Variants in RXRG observed in about 807,000 individuals in gnomAD.
RXRG encodes retinoic acid receptor RXR-gamma.
In RXRG, 19 loss-of-function variants were observed where a neutral mutation model predicts 49.2. The ratio of observed to expected loss-of-function variants is 0.39; its 90% CI spans 0.27 to 0.57. RXRG has a LOEUF of 0.57. Ranked by LOEUF, RXRG falls within the 20% of genes least tolerant of loss-of-function variation. The pLI is 0.64. For synonymous variants in RXRG, 224 were observed against 216.6 expected, an observed-to-expected ratio of 1.03 and a Z score of -0.30; for missense variants, 452 against 592.5, an observed-to-expected ratio of 0.76 and a Z score of 2.46.
intron 4 of RXRG, among the ~76,000 whole-genome samples, chr1:165,411,837 G>C (rs1657961543): frequency 6.6e-6 from 1 of 152,174 alleles, no homozygotes; most frequent in Non-Finnish European, 1.5e-5. Flanking sequence ...CATTAGGATT[G>C]AAAGCAGACT....
intron 1 of RXRG, among the ~76,000 whole-genome samples, chr1:165,442,203 T>G (rs1194975313): frequency 3.3e-5 from 5 of 152,240 alleles, no homozygotes; most frequent in Non-Finnish European, 4.4e-5. Context: ...ACTCTAATCC[T>G]GCTTTCCCCT....
rs2134095 is a variant in RXRG, at chr1:165,408,315, G to C, written c.1050C>G (p.Val350=). 1 of 1,603,500 alleles carries C rather than the reference G, an allele frequency of 6.2e-7. No homozygotes were observed. The highest frequency in any genetic ancestry group is 1.3e-5 in the African/African-American group (1 of 74,786). The change falls in exon 8 of 10, where the codon GTC becomes GTG. Residue 350 remains valine (V), a synonymous_variant. Transcript: ENST00000359842. Reference sequence around the variant, plus strand: ...TCATTTTGGAAACCAGCTCAGTTAGGACTCTGTTAACAGGAAACAAGCAGG... The same window carrying C: ...TCATTTTGGAAACCAGCTCAGTTAGCACTCTGTTAACAGGAAACAAGCAGG... ...SAGVGSIFDR[V]LTELVSKMKD...
At chr1:165,413,255 T>G (rs1385373595) in intron 4 of RXRG, among the ~76,000 whole-genome samples, 1 of 152,182 alleles carries the variant, frequency 6.6e-6, no homozygotes, top group Non-Finnish European at 1.5e-5. Context: ...GAACCCTGGA[T>G]GATTAAAAAT....
chr1:165,434,487 A>G (rs1658769774), intron 1 of RXRG, among the ~76,000 whole-genome samples: 1 of 152,122 alleles, frequency 6.6e-6, no homozygotes, highest in African/African-American at 2.4e-5. Flanking sequence ...TGGTGTTTCC[A>G]CCCCTTTGCT....
At chr1:165,409,435 C>G in intron 7 of RXRG, 123 bp downstream of exon 7, 5 of 1,198,024 alleles carry the variant, frequency 4.2e-6, no homozygotes, top group Non-Finnish European at 5.3e-6. Flanking sequence ...ATCCTCCATC[C>G]CAGCACTACC....
intron 1 of RXRG, among the ~76,000 whole-genome samples, chr1:165,434,765 G>A (rs1197327556): frequency 6.6e-6 from 1 of 152,210 alleles, no homozygotes; most frequent in African/African-American, 2.4e-5. Flanking sequence ...GATATGGTGT[G>A]AAGGCCCAAC....
intron 1 of RXRG, chr1:165,437,071 C>G: frequency 7.5e-7 from 1 of 1,331,444 alleles, no homozygotes; most frequent in Non-Finnish European, 1.0e-6. Flanking sequence ...CTCCTTTGCT[C>G]CTCCTTTTCA....
intron 2 of RXRG, among the ~76,000 whole-genome samples, chr1:165,427,972 T>A (rs568783850): frequency 6.6e-6 from 1 of 152,308 alleles, no homozygotes; most frequent in East Asian, 1.9e-4. Context: ...AAGGTAGACA[T>A]ATGAGTGAGA....
chr1:165,438,239 A>C (rs1224406613), intron 1 of RXRG, among the ~76,000 whole-genome samples: 1 of 152,216 alleles, frequency 6.6e-6, no homozygotes, highest in Non-Finnish European at 1.5e-5. Flanking sequence ...TTCAAAATCC[A>C]GAACTTTTTG....
intron 1 of RXRG, among the ~76,000 whole-genome samples, chr1:165,440,764 C>T (rs157886): frequency 6.6e-6 from 1 of 151,898 alleles, no homozygotes; most frequent in Admixed American, 6.6e-5. Context: ...GGCACACCCG[C>T]GATCCAATGC....
chr1:165,401,814 A>G (rs1472496760), intron 9 of RXRG, among the ~76,000 whole-genome samples: 1 of 152,232 alleles, frequency 6.6e-6, no homozygotes, highest in Non-Finnish European at 1.5e-5. Context: ...AGCGTGAGAC[A>G]CTGAATGTGC....
chr1:165,433,385 T>A (rs1263540918), intron 1 of RXRG, among the ~76,000 whole-genome samples: 1 of 152,200 alleles, frequency 6.6e-6, no homozygotes, highest in African/African-American at 2.4e-5. Context: ...GCATGACCCC[T>A]GGCCCCGCCA....
intron 4 of RXRG, among the ~76,000 whole-genome samples, chr1:165,412,413 A>G (rs890072863): frequency 6.6e-6 from 1 of 152,212 alleles, no homozygotes; most frequent in Non-Finnish European, 1.5e-5. Context: ...GAGAGAGAAC[A>G]GAGAGGAGAA....
intron 1 of RXRG, among the ~76,000 whole-genome samples, chr1:165,430,109 T>C (rs914205549): frequency 1.3e-5 from 2 of 152,148 alleles, no homozygotes; most frequent in Non-Finnish European, 2.9e-5. Context: ...ACCCAAGCTG[T>C]CCACATGGAT....
At chr1:165,438,754 A>G (rs975833028) in intron 1 of RXRG, among the ~76,000 whole-genome samples, 4 of 152,200 alleles carry the variant, frequency 2.6e-5, no homozygotes, top group Non-Finnish European at 5.9e-5. Context: ...CTAAACAAAA[A>G]CAACCAACAT....
intron 7 of RXRG, among the ~76,000 whole-genome samples, chr1:165,408,644 C>T (rs530679051): frequency 9.2e-5 from 14 of 152,148 alleles, no homozygotes; most frequent in Non-Finnish European, 2.1e-4. Context: ...AAATTAGAAA[C>T]GCAACAGGCA....
intron 3 of RXRG, among the ~76,000 whole-genome samples, chr1:165,418,145 A>AT (rs1658192492): frequency 7.3e-6 from 1 of 137,036 alleles, no homozygotes; most frequent in Admixed American, 7.3e-5. Context: ...AAAGAAGGTG[A>AT]TTTTGCTTAA....
chr1:165,412,530 T>C (rs1657987611), intron 4 of RXRG, among the ~76,000 whole-genome samples: 1 of 152,216 alleles, frequency 6.6e-6, no homozygotes, highest in African/African-American at 2.4e-5. Context: ...ATGACTGAGC[T>C]TAGTAAGCCC....
chr1:165,427,365 C>A (rs1557921587), intron 2 of RXRG, among the ~76,000 whole-genome samples: 1 of 152,200 alleles, frequency 6.6e-6, no homozygotes, highest in Non-Finnish European at 1.5e-5. Context: ...ATAGACACAG[C>A]CTTCTTCCTT....
Sources: allele counts gnomAD v4.1 joint callset (sites outside exome capture counted in the v4.1 genomes callset), GRCh38; gene constraint gnomAD v4.1.1; transcripts MANE v1.5; gene names NCBI Gene and HGNC (gene_info 2026-07-23, HGNC 2026-07-21).